Variants in CLSTN2 observed in about 807,000 individuals in gnomAD.
The protein encoded by CLSTN2 is calsyntenin 2.
In CLSTN2, 48 loss-of-function variants were observed where a neutral mutation model predicts 101.2. The ratio of observed to expected loss-of-function variants is 0.47; its 90% CI spans 0.38 to 0.60. The LOEUF (loss-of-function observed/expected upper bound fraction) is 0.60, where lower values mean the gene tolerates loss of function less well. Among genes scored for constraint, CLSTN2 ranks in the 20% least tolerant of loss-of-function variants. The pLI is 0.00. For missense variants in CLSTN2, 1,160 were observed against 1,238.2 expected (o/e 0.94, Z 0.95); for synonymous variants, 481 against 463.6 (o/e 1.04, Z -0.48).
chr3:140,277,336 T>A (rs991120043), intron 2 of CLSTN2, among the ~76,000 whole-genome samples: 1 of 152,120 alleles, frequency 6.6e-6, no homozygotes, highest in African/African-American at 2.4e-5. Context: ...GCTGGAGAGG[T>A]CTGTCCAGCC....
chr3:140,398,921 C>A (rs1256050690), intron 2 of CLSTN2, among the ~76,000 whole-genome samples: 1 of 152,198 alleles, frequency 6.6e-6, no homozygotes, highest in Non-Finnish European at 1.5e-5. Flanking sequence ...GATACCTGCT[C>A]ACAGGACTGA....
At chr3:140,278,924 T>C (rs1311021329) in intron 2 of CLSTN2, among the ~76,000 whole-genome samples, 1 of 152,132 alleles carries the variant, frequency 6.6e-6, no homozygotes, top group East Asian at 1.9e-4. Context: ...TCTCACTATG[T>C]TTCCTGGACT....
At chr3:140,457,049 A>G (rs947949445) in intron 6 of CLSTN2, among the ~76,000 whole-genome samples, 2 of 152,226 alleles carry the variant, frequency 1.3e-5, no homozygotes, top group Non-Finnish European at 2.9e-5. Flanking sequence ...TGAATTCTAT[A>G]GGAACAGCAA....
intron 1 of CLSTN2, among the ~76,000 whole-genome samples, chr3:140,138,229 G>A (rs562872417): frequency 6.6e-6 from 1 of 152,298 alleles, no homozygotes; most frequent in Non-Finnish European, 1.5e-5. Context: ...TGGCTCATGT[G>A]CTCAGAAGAA....
chr3:140,102,536 T>C (rs2008985159), intron 1 of CLSTN2, among the ~76,000 whole-genome samples: 1 of 152,228 alleles, frequency 6.6e-6, no homozygotes, highest in African/African-American at 2.4e-5. Context: ...TTGAAGGTCC[T>C]ACTGTGGGTT....
intron 1 of CLSTN2, among the ~76,000 whole-genome samples, chr3:140,103,898 A>G (rs1054328510): frequency 6.6e-6 from 1 of 152,238 alleles, no homozygotes; most frequent in African/African-American, 2.4e-5. Context: ...AATACAGAAT[A>G]ATATCTGCCA....
chr3:140,422,035 C>T (rs932336502), intron 5 of CLSTN2, among the ~76,000 whole-genome samples: 18 of 152,062 alleles, frequency 1.2e-4, no homozygotes, highest in South Asian at 6.2e-4. Context: ...TTTGGCTGCC[C>T]GATGACTCCC....
chr3:140,164,624 T>G (rs540070458), intron 1 of CLSTN2, among the ~76,000 whole-genome samples: 4 of 152,300 alleles, frequency 2.6e-5, no homozygotes, highest in African/African-American at 7.2e-5. Context: ...TGTCTTAGGG[T>G]GAACTTTGGC....
At chr3:140,374,078 A>G (rs1424666603) in intron 2 of CLSTN2, among the ~76,000 whole-genome samples, 1 of 152,200 alleles carries the variant, frequency 6.6e-6, no homozygotes, top group Non-Finnish European at 1.5e-5. Flanking sequence ...CCCTGCAGAA[A>G]GGACCTCCTA....
rs997965980 is a variant in CLSTN2 at position 140,129,304 on chromosome 3, T to C, written c.110-46647T>C. On this transcript the variant is annotated intron_variant, in intron 1 of 16. Transcript: ENST00000458420. ...AAAGCAGGAATAATGTCTGACACAT[T>C]GTAGGTACTCCTTGTCAGTAGCTTC... 2.0e-5 allele frequency among the ~76,000 whole-genome samples: 3 copies of C among 152,178 alleles called. No individual in the cohort carries two copies. The East Asian group carries it at 5.8e-4, about 29-fold the overall frequency.
chr3:140,097,401 T>G (rs573660948), intron 1 of CLSTN2, among the ~76,000 whole-genome samples: 1 of 152,138 alleles, frequency 6.6e-6, no homozygotes, highest in Non-Finnish European at 1.5e-5. Context: ...CTGCTTTACT[T>G]TCAGCCTACC....
intron 1 of CLSTN2, among the ~76,000 whole-genome samples, chr3:140,114,775 A>T (rs962777420): frequency 6.6e-6 from 1 of 152,190 alleles, no homozygotes; most frequent in Non-Finnish European, 1.5e-5. Context: ...AAGAGCAAAG[A>T]TAATGAATAA....
chr3:139,952,083 A>G (rs933726798), intron 1 of CLSTN2, among the ~76,000 whole-genome samples: 1 of 152,166 alleles, frequency 6.6e-6, no homozygotes, highest in Non-Finnish European at 1.5e-5. Context: ...TTTTGATTTA[A>G]TGGGGAATGG....
chr3:140,258,991 A>G (rs1161785678), intron 2 of CLSTN2, among the ~76,000 whole-genome samples: 2 of 152,226 alleles, frequency 1.3e-5, no homozygotes, highest in Non-Finnish European at 2.9e-5. Context: ...GAGCAGACAC[A>G]GCAATACATG....
intron 2 of CLSTN2, among the ~76,000 whole-genome samples, chr3:140,248,599 T>C (rs939828265): frequency 6.6e-6 from 1 of 152,124 alleles, no homozygotes; most frequent in Non-Finnish European, 1.5e-5. Flanking sequence ...ATCCTGCAGA[T>C]ACGAAGATGG....
intron 4 of CLSTN2, among the ~76,000 whole-genome samples, chr3:140,408,028 A>G (rs1335979808): frequency 6.6e-6 from 1 of 152,202 alleles, no homozygotes; most frequent in African/African-American, 2.4e-5. Context: ...TCAGACAGCT[A>G]TCTATGAAAG....
chr3:140,571,950 G>A lies in CLSTN2; in HGVS notation c.*5697G>A, dbSNP rs1254240353. ...GATGGGAGTCTGTGTTTGCAGCTAT[G>A]TTCAGTGTAATTCAGCAGACCTTCA... On this transcript the variant is annotated 3_prime_UTR_variant, in exon 17 of 17. Coordinates refer to ENST00000458420, the MANE Select transcript of CLSTN2 (RefSeq NM_022131.3). 1.3e-5 allele frequency: 2 copies of A among 152,276 alleles called. No individual in the cohort carries two copies. The highest frequency in any genetic ancestry group is 4.8e-5 in the African/African-American group (2 of 41,458). The allele number at this position is 152,276 out of a possible 1,614,324, so 9.4% of individuals were successfully genotyped here. A position where few individuals can be genotyped will look rare whatever the true frequency, so the allele number is the denominator to read the frequency against.
intron 2 of CLSTN2, among the ~76,000 whole-genome samples, chr3:140,355,080 C>T (rs1173114281): frequency 6.6e-6 from 1 of 152,136 alleles, no homozygotes; most frequent in East Asian, 1.9e-4. Context: ...ACCCAGCTCT[C>T]ACTGTGTTAT....
chr3:140,458,199 G>A (rs1324735039), intron 6 of CLSTN2, among the ~76,000 whole-genome samples: 1 of 146,078 alleles, frequency 6.8e-6, no homozygotes, highest in Non-Finnish European at 1.5e-5. Context: ...GGCTGACTTT[G>A]GAACCCAAAC....
Sources: allele counts gnomAD v4.1 joint callset (sites outside exome capture counted in the v4.1 genomes callset), GRCh38; gene constraint gnomAD v4.1.1; transcripts MANE v1.5; gene names NCBI Gene and HGNC (gene_info 2026-07-23, HGNC 2026-07-21).